The following SNX14 variants were observed in gnomAD, a reference collection of about 807,000 sequenced individuals.
SNX14 encodes the protein sorting nexin 14, also known as sorting nexin-14.
Under a neutral mutation model 133.8 loss-of-function variants are expected in SNX14, and 93 were observed. The ratio of observed to expected loss-of-function variants is 0.70; its 90% CI spans 0.59 to 0.83. The LOEUF (loss-of-function observed/expected upper bound fraction) is 0.83. Among genes scored for constraint, SNX14 ranks in the 40% least tolerant of loss-of-function variants. The pLI is 0.00. For missense variants in SNX14, 945 were observed against 1,094.9 expected (o/e 0.86, Z 1.93); for synonymous variants, 368 against 365.6 (o/e 1.01, Z -0.07).
At position 85,574,322 on chromosome 6, in the gene SNX14, T is replaced by C; in HGVS notation, c.197A>G (p.Tyr66Cys). Residue 66 changes from tyrosine (Y) to cysteine (C), a missense_variant, in exon 2 of 29, where the codon TAC becomes TGC. Around this residue, in one of 3 missense-constraint regions of SNX14, gnomAD observed 514 missense variants for 538.8 expected, o/e 0.95. Transcript: ENST00000314673. ...GAGAGAATCAGGTCCTAGTGAGCAGTAGAATGTGACAACTCCAGCAACAAA... is the reference window on the plus strand; with the variant it reads ...GAGAGAATCAGGTCCTAGTGAGCAGCAGAATGTGACAACTCCAGCAACAAA... Reference protein sequence around the residue: ...WSFVAGVVTFYCSLGPDSLLP... With the variant: ...WSFVAGVVTFCCSLGPDSLLP... 3 of 1,592,512 alleles carry C rather than the reference T, an allele frequency of 1.9e-6. No individual in the cohort carries two copies. Among genetic ancestry groups the C allele is most frequent in the Middle Eastern group, 1.7e-4 (1 of 6,008 alleles).
At chr6:85,548,250 G>A in intron 9 of SNX14, 51 bp downstream of exon 9, 2 of 1,290,860 alleles carry the variant, frequency 1.5e-6, no homozygotes, top group Non-Finnish European at 2.2e-6. Flanking sequence ...GATACTAAAT[G>A]TTATATTAAG....
At chr6:85,532,523 AC>A (rs1190390542) in intron 18 of SNX14, among the ~76,000 whole-genome samples, 5 of 152,214 alleles carry the variant, frequency 3.3e-5, no homozygotes, top group African/African-American at 1.2e-4. Context: ...ACTGATCTTC[AC>A]ACTACTACTT....
At chr6:85,564,488 A>G (rs1311322746) in intron 6 of SNX14, among the ~76,000 whole-genome samples, 2 of 152,054 alleles carry the variant, frequency 1.3e-5, no homozygotes, top group African/African-American at 2.4e-5. Context: ...ATGGTACCTC[A>G]TTGTTGTTTT....
In SNX14 at chr6:85,513,908, A is replaced by T; in HGVS notation, c.2558-13T>A. The T allele has an allele frequency of 5.6e-6, 9 of 1,595,506 alleles. No individual in the cohort carries two copies. Among genetic ancestry groups the T allele is most frequent in the Non-Finnish European group, 7.7e-6 (9 of 1,171,736 alleles). On this transcript the variant is annotated splice_polypyrimidine_tract_variant and intron_variant, in intron 25 of 28. Coordinates refer to ENST00000314673, the MANE Select transcript of SNX14 (RefSeq NM_153816.6). ...CAGAATATAGCATCTAAAAAAGAGT[A>T]AAAAGAAATATTTCTGGAATTTTCA... is the stretch of plus-strand genomic sequence containing the variant.
intron 12 of SNX14, among the ~76,000 whole-genome samples, chr6:85,544,460 G>C (rs894658772): frequency 6.6e-6 from 1 of 152,138 alleles, no homozygotes; most frequent in Non-Finnish European, 1.5e-5. Flanking sequence ...TGTTAAAGAA[G>C]AGAAAATGGG....
intron 7 of SNX14, among the ~76,000 whole-genome samples, chr6:85,556,466 A>G (rs546337893): frequency 1.5e-5 from 2 of 135,854 alleles, no homozygotes; most frequent in South Asian, 4.9e-4. Flanking sequence ...ACTCTTTCAC[A>G]TTCATCTTTT....
chr6:85,507,324 A>T (rs548774543), intron 27 of SNX14, 35 bp from the exon 28 acceptor site: 1 of 1,547,112 alleles, frequency 6.5e-7, no homozygotes, highest in South Asian at 1.2e-5. Context: ...ATAAATGTTA[A>T]GGCACTAAAC....
At chr6:85,552,642 C>T (rs1788228626) in intron 7 of SNX14, among the ~76,000 whole-genome samples, 1 of 152,152 alleles carries the variant, frequency 6.6e-6, no homozygotes, top group Non-Finnish European at 1.5e-5. Context: ...GTTTGGTTCC[C>T]TACAGAAACT....
chr6:85,514,139 A>G lies in SNX14; in HGVS notation c.2488T>C (p.Tyr830His). Residue 830 changes from tyrosine to histidine, a missense_variant, in exon 25 of 29, where the codon TAT becomes CAT. This residue lies in a region of SNX14 where 412 missense variants were observed against 516.6 expected (regional missense o/e 0.80). Coordinates refer to ENST00000314673, the MANE Select transcript of SNX14 (RefSeq NM_153816.6). ...AGCTGTTCTAGTTTACACTGAAGATAGTAATCAGTATACATTTCCAGGGTG... is the reference window on the plus strand; with the variant it reads ...AGCTGTTCTAGTTTACACTGAAGATGGTAATCAGTATACATTTCCAGGGTG... ...KNTLEMYTDY[Y>H]LQCKLEQLFQ... 1.9e-6 allele frequency: 3 copies of G among 1,613,974 alleles called. No individual in the cohort carries two copies. Among genetic ancestry groups the G allele is most frequent in the Non-Finnish European group, 2.5e-6 (3 of 1,179,884 alleles).
intron 5 of SNX14, among the ~76,000 whole-genome samples, 184 bp downstream of exon 5, chr6:85,567,350 T>C (rs984538126): frequency 2.7e-5 from 4 of 149,568 alleles, no homozygotes; most frequent in Non-Finnish European, 5.9e-5. Context: ...ATGGGAGAGG[T>C]CAGGGGTGCT....
chr6:85,506,600 G>A (rs1235854476), intron 28 of SNX14, among the ~76,000 whole-genome samples: 3 of 152,206 alleles, frequency 2.0e-5, no homozygotes, highest in Non-Finnish European at 4.4e-5. Context: ...ACAGGCGTGA[G>A]CCACCGTGCC....
intron 26 of SNX14, chr6:85,508,320 TAAAAA>T (rs765165360): frequency 5.5e-4 from 477 of 868,008 alleles, no homozygotes; most frequent in South Asian, 6.5e-4. Flanking sequence ...AATGCTGCAG[TAAAAA>T]AAAAAAAAAA....
Position 85,530,288 on chromosome 6 carries a change from T to TAC in SNX14, c.1811-15_1811-14dup. On this transcript the variant is annotated splice_polypyrimidine_tract_variant and intron_variant, in intron 18 of 28. Transcript: ENST00000314673. ...GGCTCGTGTCCAACTGTAAATTGAG[T>TAC]ACACACACACTGAGTAACAAATAAT... 1 of 1,496,404 alleles carries TAC rather than the reference T, an allele frequency of 6.7e-7. No individual in the cohort carries two copies. The highest frequency in any genetic ancestry group is 9.2e-7 in the Non-Finnish European group (1 of 1,085,434). 92.7% of individuals were successfully genotyped at this position (1,496,404 alleles called of 1,614,324 possible).
rs572647220 is a variant in SNX14 at position 85,513,737 on chromosome 6, T to C, written c.2653+63A>G. The C allele has an allele frequency of 2.5e-4, 306 of 1,226,512 alleles. 1 individual carries two copies. Among genetic ancestry groups the C allele is most frequent in the Middle Eastern group, 9.8e-4 (5 of 5,082 alleles). 76.0% of individuals were successfully genotyped at this position (1,226,512 alleles called of 1,614,324 possible). A position where few individuals can be genotyped will look rare whatever the true frequency, so the allele number is the denominator to read the frequency against. The stretch of plus-strand genomic sequence containing the variant: ...AAAAAATTAGCTTCAATAATTACTA[T>C]ACATTGTGACCTCAACGGACTGCTA... On this transcript the variant is annotated intron_variant, in intron 26 of 28. Transcript: ENST00000314673.
chr6:85,557,410 G>A (rs1184401407), intron 7 of SNX14, among the ~76,000 whole-genome samples: 3 of 152,166 alleles, frequency 2.0e-5, no homozygotes, highest in African/African-American at 7.2e-5. Flanking sequence ...AACATTTAAT[G>A]AACATATGCT....
At chr6:85,507,192 C>A in intron 28 of SNX14, 41 bp downstream of exon 28, 1 of 1,503,292 alleles carries the variant, frequency 6.7e-7, no homozygotes, top group South Asian at 1.2e-5. Context: ...GTCAGCATAC[C>A]ATTAAGAAAA....
chr6:85,593,771 C>G lies in SNX14; in HGVS notation c.-53G>C. 1 of 1,599,910 alleles carries G rather than the reference C, an allele frequency of 6.3e-7. No individual in the cohort carries two copies. Among genetic ancestry groups the G allele is most frequent in the South Asian group, 1.1e-5 (1 of 89,840 alleles). On this transcript the variant is annotated 5_prime_UTR_variant, in exon 1 of 29. Coordinates refer to ENST00000314673, the MANE Select transcript of SNX14 (RefSeq NM_153816.6). Reference sequence around the variant, plus strand: ...CTACTGGCTGAGGCAGAGGTCAAGGCGACCCCCCATCCACACCTCGCGTCC... The same window carrying G: ...CTACTGGCTGAGGCAGAGGTCAAGGGGACCCCCCATCCACACCTCGCGTCC...
At chr6:85,517,322 T>C (rs1775366110) in intron 23 of SNX14, among the ~76,000 whole-genome samples, 1 of 152,230 alleles carries the variant, frequency 6.6e-6, no homozygotes, top group African/African-American at 2.4e-5. Flanking sequence ...GAATGTATCC[T>C]TATATTCCCA....
chr6:85,506,605 C>T (rs1377582151), intron 28 of SNX14, among the ~76,000 whole-genome samples: 7 of 152,164 alleles, frequency 4.6e-5, no homozygotes, highest in Admixed American at 2.0e-4. Flanking sequence ...CGTGAGCCAC[C>T]GTGCCCAGTC....
Sources: gnomAD v4.1 joint callset for allele counts (sites outside exome capture counted in the v4.1 genomes callset) on GRCh38, gnomAD v4.1.1 for gene constraint, gnomAD v4.1.1 regional missense constraint, MANE v1.5 for transcripts, NCBI Gene and HGNC (gene_info 2026-07-23, HGNC 2026-07-21) for gene names.